OIP5: variants seen among roughly 807,000 people sequenced by gnomAD.
The protein encoded by OIP5 is Opa interacting protein 5.
In OIP5, 24 loss-of-function variants were observed where a neutral mutation model predicts 20.3. The ratio of observed to expected loss-of-function variants is 1.18; its 90% CI spans 0.86 to 1.66. OIP5 has a LOEUF of 1.66. Ranked by LOEUF, OIP5 falls within the 40% of genes most tolerant of loss-of-function variation. OIP5 has a pLI of 0.00. For synonymous variants in OIP5, 143 were observed against 121.3 expected (o/e 1.18, Z -1.17); for missense variants, 339 against 289.5 (o/e 1.17, Z -1.24).
intron 2 of OIP5, among the ~76,000 whole-genome samples, chr15:41,320,166 C>T (rs978439666): frequency 9.2e-5 from 14 of 152,146 alleles, no homozygotes; most frequent in African/African-American, 3.4e-4. Flanking sequence ...ATCAAGTTGA[C>T]TGGGGCCTTA....
intron 3 of OIP5, among the ~76,000 whole-genome samples, chr15:41,315,775 G>A (rs1247419233): frequency 6.6e-6 from 1 of 152,100 alleles, no homozygotes; most frequent in East Asian, 1.9e-4. Context: ...TTCTAAAAAA[G>A]ATGTGGGATT....
At position 41,325,849 on chromosome 15, in the gene OIP5, C is replaced by CAA. The variant is rs35329564; in HGVS notation, c.389+6064_389+6065dup. Among the ~76,000 whole-genome samples the CAA allele has an allele frequency of 8.9e-3, 875 of 98,728 alleles. 3 individuals carry two copies. Among genetic ancestry groups the CAA allele is most frequent in the South Asian group, 0.014 (40 of 2,828 alleles). 64.8% of individuals were successfully genotyped at this position (98,728 alleles called of 152,430 possible). Reference sequence around the variant, plus strand: ...TGGGCAACAGAGCAAGACTCCGTCTCAAAAAAAAAAAAAAAAAATTGCATT... The same window carrying CAA: ...TGGGCAACAGAGCAAGACTCCGTCTCAAAAAAAAAAAAAAAAAAAATTGCATT... On this transcript the variant is annotated intron_variant, in intron 2 of 4. Transcript: ENST00000220514.
At position 41,332,477 on chromosome 15, in the gene OIP5, C is replaced by T. The variant is rs552617025; in HGVS notation, c.85G>A (p.Asp29Asn). 1 of 1,614,086 alleles carries T rather than the reference C, an allele frequency of 6.2e-7. No homozygotes were observed. Among genetic ancestry groups the T allele is most frequent in the Admixed American group, 1.7e-5 (1 of 60,020 alleles). Reference protein sequence around the residue: ...DFCGGTERAIDQASFTTSMEW... With the variant: ...DFCGGTERAINQASFTTSMEW... ...ATGGAGGTCGTAAAAGAAGCTTGGTCAATCGCCCTCTCAGTGCCACCACAA... is the reference window on the plus strand; with the variant it reads ...ATGGAGGTCGTAAAAGAAGCTTGGTTAATCGCCCTCTCAGTGCCACCACAA... Residue 29 changes from aspartate (D) to asparagine (N), a missense_variant, in exon 1 of 5, where the codon GAC (aspartate) becomes AAC (asparagine). By Grantham distance (23) the Asp-to-Asn change is conservative. Coordinates refer to ENST00000220514, the MANE Select transcript of OIP5 (RefSeq NM_007280.2).
chr15:41,330,394 C>A (rs1280939013), intron 2 of OIP5, among the ~76,000 whole-genome samples: 2 of 151,424 alleles, frequency 1.3e-5, no homozygotes, highest in African/African-American at 4.9e-5. Flanking sequence ...GCCACCGCTC[C>A]CAGCCGTAAT....
intron 2 of OIP5, among the ~76,000 whole-genome samples, chr15:41,322,106 T>C (rs2047834345): frequency 6.6e-6 from 1 of 152,158 alleles, no homozygotes; most frequent in Admixed American, 6.6e-5. Context: ...CAAGTCATCA[T>C]ATTTGCTGGT....
intron 2 of OIP5, among the ~76,000 whole-genome samples, chr15:41,320,296 CCT>C (rs57594100): frequency 0.016 from 2,346 of 151,004 alleles, 72 homozygotes; most frequent in African/African-American, 0.054. Flanking sequence ...TCTCCCTCTC[CCT>C]CTCTTTCCAC....
chr15:41,315,998 G>C (rs1359639589), intron 3 of OIP5, among the ~76,000 whole-genome samples: 1 of 152,048 alleles, frequency 6.6e-6, no homozygotes, highest in Admixed American at 6.6e-5. Flanking sequence ...CATGGTGGCG[G>C]GCGCCTGTAG....
chr15:41,315,673 T>C (rs757386787), intron 3 of OIP5, among the ~76,000 whole-genome samples: 9 of 152,206 alleles, frequency 5.9e-5, no homozygotes, highest in Non-Finnish European at 8.8e-5. Flanking sequence ...ATAATGCTTT[T>C]CAAATTTATG....
At chr15:41,321,464 A>G (rs1447178569) in intron 2 of OIP5, among the ~76,000 whole-genome samples, 1 of 152,300 alleles carries the variant, frequency 6.6e-6, no homozygotes, top group African/African-American at 2.4e-5. Flanking sequence ...TGACAATGGC[A>G]GTTTTGTGGA....
At chr15:41,332,032 G>C (rs768396409) in intron 1 of OIP5, 51 bp from the exon 2 acceptor site, 8 of 1,560,352 alleles carry the variant, frequency 5.1e-6, no homozygotes, top group Non-Finnish European at 7.1e-6. Flanking sequence ...CCTTGAAATG[G>C]AAAATCTCTC....
intron 2 of OIP5, among the ~76,000 whole-genome samples, chr15:41,326,791 G>C (rs2047864610): frequency 6.6e-6 from 1 of 152,094 alleles, no homozygotes; most frequent in South Asian, 2.1e-4. Context: ...GAGCTGCTTT[G>C]GGTTGCCTTG....
intron 3 of OIP5, among the ~76,000 whole-genome samples, chr15:41,315,474 T>C (rs1331713932): frequency 2.0e-5 from 3 of 151,932 alleles, no homozygotes; most frequent in East Asian, 1.9e-4. Context: ...GGAATTTTCT[T>C]GTGTTCCCAT....
chr15:41,328,937 G>C (rs1208092532), intron 2 of OIP5, among the ~76,000 whole-genome samples: 2 of 151,416 alleles, frequency 1.3e-5, no homozygotes, highest in African/African-American at 4.9e-5. Context: ...ATAGTGGCGT[G>C]CGCCTGGAAT....
At chr15:41,313,842 C>G (rs1219271700) in intron 3 of OIP5, among the ~76,000 whole-genome samples, 1 of 151,890 alleles carries the variant, frequency 6.6e-6, no homozygotes, top group African/African-American at 2.4e-5. Flanking sequence ...CTGGTGAGGT[C>G]CTGGAACCAC....
intron 2 of OIP5, among the ~76,000 whole-genome samples, chr15:41,320,328 G>A (rs973265018): frequency 6.6e-6 from 1 of 151,330 alleles, no homozygotes; most frequent in Non-Finnish European, 1.5e-5. Context: ...CTGATGCCAA[G>A]CCAAAGCTGG....
At chr15:41,326,528 A>AT (rs1263556789) in intron 2 of OIP5, among the ~76,000 whole-genome samples, 3 of 152,134 alleles carry the variant, frequency 2.0e-5, no homozygotes, top group African/African-American at 7.2e-5. Context: ...GGTTCAAGTG[A>AT]TTCTCCTGAC....
chr15:41,320,032 G>A (rs2047813055), intron 2 of OIP5, among the ~76,000 whole-genome samples: 1 of 152,062 alleles, frequency 6.6e-6, no homozygotes, highest in Admixed American at 6.6e-5. Flanking sequence ...CTTCAGAAGA[G>A]AAAGGTAATT....
chr15:41,317,688 G>C (rs1285893948), intron 3 of OIP5, among the ~76,000 whole-genome samples: 1 of 151,300 alleles, frequency 6.6e-6, no homozygotes, highest in African/African-American at 2.4e-5. Flanking sequence ...CACCGTTTTT[G>C]GTTTTTAAGA....
chr15:41,324,176 G>C (rs1035809407), intron 2 of OIP5, among the ~76,000 whole-genome samples: 3 of 151,100 alleles, frequency 2.0e-5, no homozygotes, highest in Non-Finnish European at 4.4e-5. Flanking sequence ...TTTGTATTTT[G>C]TAGAGACAGC....
Sources: allele counts gnomAD v4.1 joint callset (sites outside exome capture counted in the v4.1 genomes callset), GRCh38; gene constraint gnomAD v4.1.1; transcripts MANE v1.5; gene names NCBI Gene and HGNC (gene_info 2026-07-23, HGNC 2026-07-21).